The following RAB1A variants were observed in gnomAD, a reference collection of about 807,000 sequenced individuals.
The protein encoded by RAB1A is ras-related protein Rab-1A.
In RAB1A, 2 loss-of-function variants were observed where a neutral mutation model predicts 26.0. The ratio of observed to expected loss-of-function variants is 0.08; its 90% CI spans 0.03 to 0.24. RAB1A has a LOEUF of 0.24. RAB1A is among the 10% of genes least tolerant of loss of function. The pLI is 1.00. For synonymous variants in RAB1A, 84 were observed against 84.9 expected, an observed-to-expected ratio of 0.99 and a Z score of 0.06; for missense variants, 100 against 247.0, an observed-to-expected ratio of 0.40 and a Z score of 3.99.
At chr2:65,105,502 ACT>A (rs1425732162) in intron 1 of RAB1A, 5 of 116,136 alleles carry the variant, frequency 4.3e-5, no homozygotes, top group African/African-American at 1.7e-4. Flanking sequence ...TAAGAACGAA[ACT>A]CTGTCTCAAA....
intron 1 of RAB1A, among the ~76,000 whole-genome samples, chr2:65,109,869 C>T (rs1220845297): frequency 6.6e-6 from 1 of 152,134 alleles, no homozygotes; most frequent in Non-Finnish European, 1.5e-5. Flanking sequence ...TTTCTACCCT[C>T]GAGAAGTTTG....
At chr2:65,092,141 C>T (rs535954252) in intron 3 of RAB1A, among the ~76,000 whole-genome samples, 2 of 152,208 alleles carry the variant, frequency 1.3e-5, no homozygotes, top group African/African-American at 4.8e-5. Context: ...AGTATGCTGG[C>T]GTGCGCCTGT....
intron 3 of RAB1A, 111 bp from the exon 4 acceptor site, chr2:65,091,189 A>T: frequency 3.9e-6 from 3 of 774,440 alleles, no homozygotes; most frequent in Non-Finnish European, 6.3e-6. Flanking sequence ...GATTATCAGG[A>T]TGTGATATAG....
At chr2:65,102,132 T>C (rs143338977) in intron 2 of RAB1A, among the ~76,000 whole-genome samples, 12 of 152,336 alleles carry the variant, frequency 7.9e-5, no homozygotes, top group South Asian at 4.1e-4. Flanking sequence ...TTCTTGTTGA[T>C]GTGCAAATGT....
chr2:65,111,692 G>C (rs1302440554), intron 1 of RAB1A, among the ~76,000 whole-genome samples: 1 of 152,206 alleles, frequency 6.6e-6, no homozygotes, highest in African/African-American at 2.4e-5. Context: ...AAAGCGGAAA[G>C]AAGGGTATAC....
intron 3 of RAB1A, among the ~76,000 whole-genome samples, chr2:65,091,651 G>A (rs1384388566): frequency 6.6e-6 from 1 of 152,048 alleles, no homozygotes; most frequent in African/African-American, 2.4e-5. Flanking sequence ...TGAGCCTCCT[G>A]AGTAGCTGGG....
At chr2:65,104,502 T>C (rs1025952780) in intron 2 of RAB1A, among the ~76,000 whole-genome samples, 4 of 152,214 alleles carry the variant, frequency 2.6e-5, no homozygotes, top group Non-Finnish European at 4.4e-5. Context: ...CCAAAAGTAT[T>C]AGACATTCTG....
intron 2 of RAB1A, among the ~76,000 whole-genome samples, chr2:65,103,055 G>C (rs937465946): frequency 8.0e-5 from 12 of 150,674 alleles, no homozygotes; most frequent in African/African-American, 2.4e-4. Flanking sequence ...GCAGTAAAAA[G>C]TGCTTTCTCC....
chr2:65,108,411 G>T (rs1257396697), intron 1 of RAB1A, among the ~76,000 whole-genome samples: 1 of 151,068 alleles, frequency 6.6e-6, no homozygotes, highest in Non-Finnish European at 1.5e-5. Flanking sequence ...TGCACTACAA[G>T]TTACATTATG....
At chr2:65,125,560 T>C (rs915151211) in intron 1 of RAB1A, among the ~76,000 whole-genome samples, 1 of 151,660 alleles carries the variant, frequency 6.6e-6, no homozygotes, top group Non-Finnish European at 1.5e-5. Context: ...TAGCTGGAAT[T>C]ACAGGCGTGC....
intron 2 of RAB1A, among the ~76,000 whole-genome samples, chr2:65,103,609 T>C (rs963831833): frequency 6.6e-6 from 1 of 152,018 alleles, no homozygotes; most frequent in Admixed American, 6.6e-5. Flanking sequence ...TCTTTTATAT[T>C]AGTATTATTA....
rs75490138 is a variant in RAB1A, at chr2:65,093,314, T to C, written c.193-2236A>G. Among the ~76,000 whole-genome samples, 205 of 152,340 alleles carry C rather than the reference T, an allele frequency of 1.3e-3. 2 individuals carry two copies. The highest frequency in any genetic ancestry group is 4.1e-3 in the Admixed American group (63 of 15,294). ...TAATGGACTATGTTTTATTCATCTC[T>C]GTAACCTCCAAGTGCCTGGTGTAAT... On this transcript the variant is annotated intron_variant, in intron 3 of 5. Transcript: ENST00000409784.
intron 1 of RAB1A, chr2:65,114,231 A>C (rs2103866097): frequency 2.8e-6 from 1 of 356,022 alleles, no homozygotes; most frequent in East Asian, 7.1e-5. Context: ...TTTACAAAAG[A>C]AAGCTGATTG....
intron 2 of RAB1A, among the ~76,000 whole-genome samples, chr2:65,098,523 CTAAT>C (rs892534107): frequency 8.8e-6 from 1 of 113,274 alleles, no homozygotes; most frequent in Non-Finnish European, 2.0e-5. Flanking sequence ...ATCTTGCTTC[CTAAT>C]TATGATTTTT....
intron 1 of RAB1A, among the ~76,000 whole-genome samples, chr2:65,127,574 A>G (rs577442246): frequency 2.6e-4 from 39 of 152,278 alleles, no homozygotes; most frequent in African/African-American, 8.9e-4. Flanking sequence ...CAAAAATACA[A>G]AATTAGCCGG....
chr2:65,116,992 T>C (rs1442492141), intron 1 of RAB1A, among the ~76,000 whole-genome samples: 3 of 152,232 alleles, frequency 2.0e-5, no homozygotes, highest in South Asian at 2.1e-4. Context: ...ACCCAAGATG[T>C]GAAGGGTAAA....
At chr2:65,118,831 T>G (rs1029030599) in intron 1 of RAB1A, among the ~76,000 whole-genome samples, 2 of 152,222 alleles carry the variant, frequency 1.3e-5, no homozygotes, top group African/African-American at 4.8e-5. Context: ...TCTCCATGTG[T>G]GTACCTATGT....
chr2:65,116,588 G>A (rs2103870633), intron 1 of RAB1A, among the ~76,000 whole-genome samples: 1 of 152,268 alleles, frequency 6.6e-6, no homozygotes, highest in South Asian at 2.1e-4. Flanking sequence ...CACAGTAAGT[G>A]GCCATTGTTA....
chr2:65,100,910 C>A (rs1463220109), intron 2 of RAB1A, among the ~76,000 whole-genome samples: 1 of 152,024 alleles, frequency 6.6e-6, no homozygotes, highest in Non-Finnish European at 1.5e-5. Context: ...CTTTGGGGAG[C>A]AGAGGTGCAC....
Sources: allele counts gnomAD v4.1 joint callset (sites outside exome capture counted in the v4.1 genomes callset), GRCh38; gene constraint gnomAD v4.1.1; transcripts MANE v1.5; gene names NCBI Gene and HGNC (gene_info 2026-07-23, HGNC 2026-07-21).